Variants in FNDC3B observed in about 807,000 individuals in gnomAD.
FNDC3B encodes the protein fibronectin type III domain-containing protein 3B.
In FNDC3B, 12 loss-of-function variants were observed where a neutral mutation model predicts 151.5. The ratio of observed to expected loss-of-function variants is 0.08; its 90% confidence interval spans 0.05 to 0.13. The LOEUF is 0.13. Ranked by LOEUF, FNDC3B falls within the 10% of genes least tolerant of loss-of-function variation. The pLI, the probability that FNDC3B is intolerant of heterozygous loss-of-function variation, is 1.00. For synonymous variants in FNDC3B, 528 were observed against 549.0 expected, an observed-to-expected ratio of 0.96 and a Z score of 0.54; for missense variants, 1,214 against 1,505.3, an observed-to-expected ratio of 0.81 and a Z score of 3.20.
intron 3 of FNDC3B, among the ~76,000 whole-genome samples, chr3:172,180,232 A>AGAT (rs1723821608): frequency 6.6e-6 from 1 of 152,088 alleles, no homozygotes; most frequent in Non-Finnish European, 1.5e-5. Context: ...TCAGATGTGG[A>AGAT]CTGTGGATCT....
intron 6 of FNDC3B, among the ~76,000 whole-genome samples, chr3:172,282,303 T>G (rs1364275780): frequency 6.6e-6 from 1 of 151,618 alleles, no homozygotes; most frequent in East Asian, 1.9e-4. Context: ...ATTAAATAAA[T>G]GTAATATAAG....
At chr3:172,264,426 C>T (rs1728815207) in intron 6 of FNDC3B, among the ~76,000 whole-genome samples, 3 of 152,142 alleles carry the variant, frequency 2.0e-5, no homozygotes, top group Admixed American at 2.0e-4. Flanking sequence ...ACTTGGTTTT[C>T]TGAACTGAAT....
At chr3:172,287,451 T>C (rs900488403) in intron 7 of FNDC3B, among the ~76,000 whole-genome samples, 2 of 152,080 alleles carry the variant, frequency 1.3e-5, no homozygotes, top group African/African-American at 4.8e-5. Context: ...TGTTGTAGGA[T>C]TGGATGATAG....
intron 15 of FNDC3B, 39 bp downstream of exon 15, chr3:172,335,121 T>C (rs1732894405): frequency 6.6e-7 from 1 of 1,521,952 alleles, no homozygotes; most frequent in African/African-American, 1.4e-5. Flanking sequence ...TTTTTTTTTT[T>C]TTCTTTTGAT....
intron 3 of FNDC3B, among the ~76,000 whole-genome samples, chr3:172,167,179 T>C (rs1040381185): frequency 1.3e-5 from 2 of 152,192 alleles, no homozygotes; most frequent in African/African-American, 4.8e-5. Flanking sequence ...GCGGATCACC[T>C]GAGGTCAGGA....
intron 3 of FNDC3B, among the ~76,000 whole-genome samples, chr3:172,190,853 G>A (rs1724472374): frequency 6.6e-6 from 1 of 152,114 alleles, no homozygotes; most frequent in African/African-American, 2.4e-5. Context: ...ATTGTTAGTA[G>A]AGACGGGGTC....
At chr3:172,272,710 T>G (rs1461838023) in intron 6 of FNDC3B, among the ~76,000 whole-genome samples, 3 of 152,236 alleles carry the variant, frequency 2.0e-5, no homozygotes, top group Non-Finnish European at 4.4e-5. Context: ...CTTTCCACTC[T>G]TAGTCTCTTT....
chr3:172,346,302 T>C, intron 19 of FNDC3B, 25 bp from the exon 20 acceptor site: 1 of 1,350,342 alleles, frequency 7.4e-7, no homozygotes, highest in Non-Finnish European at 1.1e-6. Context: ...TATACATACG[T>C]GTGTGTGCGT....
chr3:172,286,714 G>A (rs1042003207), intron 7 of FNDC3B, among the ~76,000 whole-genome samples: 2 of 152,224 alleles, frequency 1.3e-5, no homozygotes, highest in Admixed American at 6.5e-5. Context: ...ACTTGTAGAG[G>A]AGTGGGGTGT....
chr3:172,372,957 G>T (rs1049841283), intron 23 of FNDC3B, among the ~76,000 whole-genome samples: 3 of 152,200 alleles, frequency 2.0e-5, no homozygotes, highest in African/African-American at 7.2e-5. Context: ...GCAGTAAAGC[G>T]CAGAGCTGGT....
At chr3:172,173,806 C>G (rs1418084266) in intron 3 of FNDC3B, among the ~76,000 whole-genome samples, 1 of 136,018 alleles carries the variant, frequency 7.4e-6, no homozygotes, top group African/African-American at 2.7e-5. Flanking sequence ...GGCAACAGAG[C>G]AAGACCCTGT....
chr3:172,043,802 T>C (rs1468372543), intron 1 of FNDC3B, among the ~76,000 whole-genome samples: 1 of 152,192 alleles, frequency 6.6e-6, no homozygotes, highest in Non-Finnish European at 1.5e-5. Flanking sequence ...TCTTTTTTGG[T>C]TTAATATAGG....
intron 1 of FNDC3B, among the ~76,000 whole-genome samples, chr3:172,065,072 G>C (rs183617099): frequency 5.3e-5 from 8 of 152,294 alleles, no homozygotes; most frequent in Non-Finnish European, 1.2e-4. Context: ...GGTGGCTCAC[G>C]CCTGTAATCC....
chr3:172,087,011 C>T (rs541086323), intron 1 of FNDC3B, among the ~76,000 whole-genome samples: 119 of 152,298 alleles, frequency 7.8e-4, no homozygotes, highest in African/African-American at 2.3e-3. Context: ...TCTTGCTTTT[C>T]CTCACTTTTA....
chr3:172,130,643 T>C (rs530760417), intron 2 of FNDC3B, among the ~76,000 whole-genome samples: 2 of 152,336 alleles, frequency 1.3e-5, no homozygotes, highest in East Asian at 1.9e-4. Flanking sequence ...TGCAATATGA[T>C]AAGCAGATAA....
chr3:172,337,377 G>C lies in FNDC3B; in HGVS notation c.1828G>C (p.Glu610Gln). ...GGSEILKYLL[E>Q]ITDGNSEANQ... ...TTCAGAAATCCTCAAGTACTTGCTA[G>C]AGATTACTGATGGAAATTCTGAAGG... The change falls in exon 16 of 26, where the codon GAG becomes CAG. Residue 610 changes from glutamate to glutamine, a missense_variant. Glu to Gln is a conservative substitution (Grantham distance 29). Transcript: ENST00000415807. The C allele has an allele frequency of 6.2e-7, 1 of 1,612,690 alleles. No homozygotes were observed. The highest frequency in any genetic ancestry group is 8.5e-7 in the Non-Finnish European group (1 of 1,178,900).
chr3:172,387,439 A>G (rs1010883320), intron 25 of FNDC3B, among the ~76,000 whole-genome samples: 2 of 152,126 alleles, frequency 1.3e-5, no homozygotes, highest in Admixed American at 1.3e-4. Context: ...TCATTTCCCT[A>G]ATACAGAAAT....
chr3:172,219,437 G>A (rs1726159487), intron 3 of FNDC3B, among the ~76,000 whole-genome samples: 2 of 152,084 alleles, frequency 1.3e-5, no homozygotes, highest in Admixed American at 1.3e-4. Context: ...TCTTTCTTTG[G>A]TTATTTGCAT....
At chr3:172,106,445 G>A (rs1037727859) in intron 1 of FNDC3B, among the ~76,000 whole-genome samples, 9 of 152,160 alleles carry the variant, frequency 5.9e-5, no homozygotes, top group African/African-American at 1.9e-4. Context: ...AGGCTGGCCC[G>A]GTGGGTTTGG....
Sources: allele counts gnomAD v4.1 joint callset (sites outside exome capture counted in the v4.1 genomes callset), GRCh38; gene constraint gnomAD v4.1.1; transcripts MANE v1.5; gene names NCBI Gene and HGNC (gene_info 2026-07-23, HGNC 2026-07-21).